Variants in KCNK2 observed in about 807,000 individuals in gnomAD.
The protein encoded by KCNK2 is potassium channel subfamily K member 2.
Under a neutral mutation model 40.5 loss-of-function variants are expected in KCNK2, and 21 were observed. The ratio of observed to expected loss-of-function variants is 0.52; its 90% confidence interval spans 0.37 to 0.75. The LOEUF is 0.75. KCNK2 is among the 30% of genes least tolerant of loss of function. The pLI is 0.00. For missense variants in KCNK2, 399 were observed against 531.6 expected (o/e 0.75, Z 2.45); for synonymous variants, 191 against 202.2 (o/e 0.94, Z 0.47).
chr1:215,012,734 T>A (rs1039503709), intron 1 of KCNK2, among the ~76,000 whole-genome samples: 3 of 151,746 alleles, frequency 2.0e-5, no homozygotes, highest in Non-Finnish European at 2.9e-5. Flanking sequence ...ACTGGACATT[T>A]GCTTCCTTAT....
intron 3 of KCNK2, among the ~76,000 whole-genome samples, chr1:215,166,478 T>C (rs1385273448): frequency 6.6e-6 from 1 of 152,292 alleles, no homozygotes; most frequent in South Asian, 2.1e-4. Flanking sequence ...CTGCCTCCAG[T>C]CTTTGCCTCC....
chr1:215,087,191 T>C (rs1450506858), intron 2 of KCNK2, among the ~76,000 whole-genome samples: 1 of 152,232 alleles, frequency 6.6e-6, no homozygotes, highest in African/African-American at 2.4e-5. Context: ...CCTCTTGAGA[T>C]GGGTACCGCT....
intron 3 of KCNK2, among the ~76,000 whole-genome samples, chr1:215,168,045 G>A (rs532456414): frequency 6.6e-6 from 1 of 152,008 alleles, no homozygotes; most frequent in African/African-American, 2.4e-5. Flanking sequence ...ATAAAAAACT[G>A]GGCAAAAGAT....
At chr1:215,132,121 A>G (rs1005537513) in intron 3 of KCNK2, among the ~76,000 whole-genome samples, 1 of 152,246 alleles carries the variant, frequency 6.6e-6, no homozygotes. Flanking sequence ...TATACTGAAC[A>G]CCGCAAAGCC....
At chr1:215,116,414 C>T (rs975865939) in intron 2 of KCNK2, among the ~76,000 whole-genome samples, 1 of 151,864 alleles carries the variant, frequency 6.6e-6, no homozygotes, top group African/African-American at 2.4e-5. Flanking sequence ...ATGGATATGA[C>T]CAGGAAAGAC....
At chr1:215,098,770 T>A (rs1660084479) in intron 2 of KCNK2, among the ~76,000 whole-genome samples, 1 of 151,956 alleles carries the variant, frequency 6.6e-6, no homozygotes, top group Non-Finnish European at 1.5e-5. Flanking sequence ...TTATGACAAC[T>A]TACATTTTGT....
chr1:215,202,748 G>C (rs1289815388), intron 6 of KCNK2, among the ~76,000 whole-genome samples: 2 of 152,176 alleles, frequency 1.3e-5, no homozygotes, highest in African/African-American at 4.8e-5. Context: ...AAAATGCACA[G>C]CTGTCAAATA....
At chr1:215,198,032 A>C (rs767055564) in intron 6 of KCNK2, among the ~76,000 whole-genome samples, 3 of 152,122 alleles carry the variant, frequency 2.0e-5, no homozygotes, top group Non-Finnish European at 2.9e-5. Flanking sequence ...CAAACAAACA[A>C]AAAAAACAAG....
At chr1:215,041,194 G>T (rs975974005) in intron 1 of KCNK2, among the ~76,000 whole-genome samples, 5 of 152,146 alleles carry the variant, frequency 3.3e-5, no homozygotes, top group African/African-American at 1.2e-4. Context: ...GATTAAGTAA[G>T]CGGCTCTGCC....
At chr1:215,017,758 C>T (rs1008253689) in intron 1 of KCNK2, among the ~76,000 whole-genome samples, 8 of 152,194 alleles carry the variant, frequency 5.3e-5, no homozygotes, top group African/African-American at 1.7e-4. Flanking sequence ...TGTGAGGTAA[C>T]GCATACATTA....
intron 2 of KCNK2, among the ~76,000 whole-genome samples, chr1:215,108,378 T>G (rs10746455): frequency 0.77 from 116,690 of 152,014 alleles, 45,094 homozygotes; most frequent in Non-Finnish European, 0.79. Context: ...TATCCATGGG[T>G]TGAGGAGATC....
At chr1:215,072,945 T>C (rs1022706566) in intron 1 of KCNK2, among the ~76,000 whole-genome samples, 2 of 152,142 alleles carry the variant, frequency 1.3e-5, no homozygotes, top group African/African-American at 4.8e-5. Flanking sequence ...GTGACCTTAT[T>C]ATGAAATAAG....
intron 2 of KCNK2, among the ~76,000 whole-genome samples, chr1:215,089,828 TTTTTTTTTTTA>T (rs1659614988): frequency 1.6e-5 from 1 of 62,356 alleles, no homozygotes; most frequent in Non-Finnish European, 3.8e-5. Flanking sequence ...TCTTTTTCTT[TTTTTTTTTTTA>T]TTTTGAAACA....
At chr1:215,083,752 C>A (rs1659292936) in intron 1 of KCNK2, 2 of 451,542 alleles carry the variant, frequency 4.4e-6, no homozygotes, top group Non-Finnish European at 8.1e-6. Context: ...CTCATGGTGA[C>A]CCCGGTCACA....
intron 1 of KCNK2, among the ~76,000 whole-genome samples, chr1:215,031,476 A>G (rs1657186471): frequency 6.6e-6 from 1 of 152,198 alleles, no homozygotes; most frequent in African/African-American, 2.4e-5. Context: ...GGGTGCTAAT[A>G]TAAATAGTAC....
At chr1:215,094,974 T>C (rs906845613) in intron 2 of KCNK2, among the ~76,000 whole-genome samples, 5 of 152,078 alleles carry the variant, frequency 3.3e-5, no homozygotes, top group African/African-American at 1.2e-4. Flanking sequence ...TAGTCTAAGC[T>C]AAAAACAAGA....
intron 1 of KCNK2, among the ~76,000 whole-genome samples, chr1:215,010,882 G>GTA (rs1656358613): frequency 2.9e-5 from 4 of 136,932 alleles, no homozygotes; most frequent in Non-Finnish European, 6.4e-5. Flanking sequence ...GTGTGTGTGT[G>GTA]TGTGTGTGTG....
intron 6 of KCNK2, among the ~76,000 whole-genome samples, chr1:215,216,980 C>T (rs796737574): frequency 3.3e-5 from 5 of 152,138 alleles, no homozygotes; most frequent in Non-Finnish European, 5.9e-5. Context: ...CTCCTAGAAA[C>T]GTTATGGTCT....
At chr1:215,123,098 G>T (rs1661267455) in intron 2 of KCNK2, among the ~76,000 whole-genome samples, 1 of 151,430 alleles carries the variant, frequency 6.6e-6, no homozygotes, top group Non-Finnish European at 1.5e-5. Context: ...TCTCTCCTGG[G>T]GAAATGTTCA....
Sources: allele counts gnomAD v4.1 joint callset (sites outside exome capture counted in the v4.1 genomes callset), GRCh38; gene constraint gnomAD v4.1.1; transcripts MANE v1.5; gene names NCBI Gene and HGNC (gene_info 2026-07-23, HGNC 2026-07-21).